The following SYT9 variants were observed in gnomAD, a reference collection of about 807,000 sequenced individuals.
SYT9 encodes synaptotagmin 9, also known as synaptotagmin-9.
A neutral mutation model predicts 48.4 loss-of-function variants in SYT9; 22 were observed. That is an observed-to-expected ratio of 0.45 (90% CI 0.32 to 0.65). SYT9 has a LOEUF of 0.65. Ranked by LOEUF, SYT9 falls within the 30% of genes least tolerant of loss-of-function variation. The probability of loss-of-function intolerance (pLI) is 0.03; values close to 1 mark genes in which losing one functional copy is unlikely to be tolerated. For missense variants in SYT9, 577 were observed against 622.0 expected (o/e 0.93, Z 0.77); for synonymous variants, 265 against 245.0 (o/e 1.08, Z -0.76).
intron 6 of SYT9, among the ~76,000 whole-genome samples, chr11:7,423,784 G>C (rs556137367): frequency 4.6e-5 from 7 of 152,184 alleles, no homozygotes; most frequent in Non-Finnish European, 1.0e-4. Context: ...GTGGGGGGAA[G>C]GGGTCATCCA....
intron 1 of SYT9, among the ~76,000 whole-genome samples, chr11:7,264,789 T>C (rs147919098): frequency 2.0e-5 from 3 of 152,164 alleles, no homozygotes; most frequent in Non-Finnish European, 4.4e-5. Context: ...GGAAGTGTTA[T>C]CGACATGGAT....
intron 1 of SYT9, among the ~76,000 whole-genome samples, chr11:7,270,114 GGA>G: frequency 6.6e-6 from 1 of 152,122 alleles, no homozygotes. Flanking sequence ...TGTGCCTTTT[GGA>G]GAGAGTGTAT....
intron 6 of SYT9, among the ~76,000 whole-genome samples, chr11:7,442,243 C>T (rs904741498): frequency 2.0e-5 from 3 of 152,160 alleles, no homozygotes; most frequent in East Asian, 1.9e-4. Flanking sequence ...ACAGACCCAA[C>T]GCTGCCATTT....
chr11:7,404,198 A>G (rs1050619160), intron 3 of SYT9, among the ~76,000 whole-genome samples: 3 of 152,120 alleles, frequency 2.0e-5, no homozygotes, highest in Non-Finnish European at 2.9e-5. Context: ...CATTTAAGGT[A>G]GATTTCTTGA....
intron 3 of SYT9, among the ~76,000 whole-genome samples, chr11:7,398,095 T>A (rs534675054): frequency 6.6e-5 from 10 of 152,310 alleles, no homozygotes; most frequent in African/African-American, 2.4e-4. Context: ...ATGTTAGCCG[T>A]AGCTTTTTAC....
At chr11:7,318,665 T>C (rs1444354515) in intron 3 of SYT9, among the ~76,000 whole-genome samples, 1 of 152,236 alleles carries the variant, frequency 6.6e-6, no homozygotes, top group African/African-American at 2.4e-5. Context: ...TTTTACTCTA[T>C]TCAGAGTTGA....
At chr11:7,321,541 C>T (rs979732) in intron 3 of SYT9, among the ~76,000 whole-genome samples, 1 of 152,152 alleles carries the variant, frequency 6.6e-6, no homozygotes, top group African/African-American at 2.4e-5. Flanking sequence ...CACAAGTGAG[C>T]CCCAAAACTG....
chr11:7,306,774 G>T (rs111846211), intron 2 of SYT9, among the ~76,000 whole-genome samples: 2 of 151,854 alleles, frequency 1.3e-5, no homozygotes, highest in African/African-American at 4.8e-5. Flanking sequence ...ATTCTCCCTC[G>T]CATTGCCTTG....
intron 6 of SYT9, among the ~76,000 whole-genome samples, chr11:7,449,413 G>A (rs1053702524): frequency 6.6e-6 from 1 of 151,944 alleles, no homozygotes; most frequent in African/African-American, 2.4e-5. Context: ...GAATGTGAGG[G>A]ACTAAGTGGC....
At chr11:7,244,531 T>C (rs1847772455) in intron 1 of SYT9, among the ~76,000 whole-genome samples, 1 of 152,202 alleles carries the variant, frequency 6.6e-6, no homozygotes, top group Non-Finnish European at 1.5e-5. Context: ...TCCAGATAAA[T>C]TATGTATACT....
At chr11:7,416,298 G>C in intron 4 of SYT9, 136 bp downstream of exon 4, 1 of 999,744 alleles carries the variant, frequency 1.0e-6, no homozygotes, top group Middle Eastern at 2.3e-4. Context: ...TAACACCTGT[G>C]TGACCTTGGG....
At position 7,252,354 on chromosome 11, in the gene SYT9, G is replaced by A; in HGVS notation, c.145+23G>A. ...CAGGTGAGTGCCGCCACCGCCGCCT[G>A]GAGGGACCTAAGGGCCCTGGGCTGG... On this transcript the variant is annotated intron_variant, in intron 1 of 6. Transcript: ENST00000318881. This position sits in a 1 kb window ranked among gnomAD's most constrained non-coding sequence, Gnocchi z 6.3. The A allele has an allele frequency of 5.5e-6, 8 of 1,443,840 alleles. No individual in the cohort carries two copies. Among genetic ancestry groups the A allele is most frequent in the Non-Finnish European group, 7.3e-6 (8 of 1,097,434 alleles). 89.4% of individuals were successfully genotyped at this position (1,443,840 alleles called of 1,614,324 possible).
intron 6 of SYT9, among the ~76,000 whole-genome samples, chr11:7,424,142 C>T (rs72846102): frequency 0.064 from 9,691 of 152,218 alleles, 348 homozygotes; most frequent in East Asian, 0.13. Context: ...GGGTTGCATC[C>T]AATACACCCT....
At chr11:7,271,060 G>A (rs1205509318) in intron 1 of SYT9, among the ~76,000 whole-genome samples, 2 of 152,012 alleles carry the variant, frequency 1.3e-5, no homozygotes, top group African/African-American at 4.8e-5. Context: ...ACTATTATTT[G>A]GCTGGTGAAG....
intron 6 of SYT9, among the ~76,000 whole-genome samples, chr11:7,448,971 C>T (rs1317740134): frequency 6.6e-6 from 1 of 152,040 alleles, no homozygotes; most frequent in East Asian, 1.9e-4. Context: ...GGAGGGTGGC[C>T]AAGGGTGTTG....
intron 3 of SYT9, among the ~76,000 whole-genome samples, chr11:7,386,163 T>A (rs1190074524): frequency 6.6e-6 from 1 of 152,170 alleles, no homozygotes; most frequent in East Asian, 1.9e-4. Context: ...AACCTGTTTT[T>A]TTTCTGGTAT....
intron 3 of SYT9, among the ~76,000 whole-genome samples, chr11:7,360,830 A>G (rs543966523): frequency 2.0e-5 from 3 of 152,278 alleles, no homozygotes; most frequent in African/African-American, 4.8e-5. Context: ...CTTGAAGATT[A>G]TCTTAGAGGG....
intron 6 of SYT9, among the ~76,000 whole-genome samples, chr11:7,448,040 C>T (rs1331229828): frequency 2.0e-5 from 3 of 152,244 alleles, no homozygotes; most frequent in South Asian, 4.1e-4. Context: ...CCCTCACCAA[C>T]AGCATCTCAT....
intron 2 of SYT9, 140 bp from the exon 3 acceptor site, chr11:7,313,255 G>A: frequency 3.7e-6 from 3 of 800,368 alleles, no homozygotes; most frequent in Middle Eastern, 3.5e-4. Flanking sequence ...TTTGAATTTA[G>A]GCCACACACA....
Sources: allele counts gnomAD v4.1 joint callset (sites outside exome capture counted in the v4.1 genomes callset), GRCh38; gene constraint gnomAD v4.1.1; non-coding constraint Gnocchi (gnomAD v3.1); transcripts MANE v1.5; gene names NCBI Gene and HGNC (gene_info 2026-07-23, HGNC 2026-07-21).